Variants in CDH12 observed in about 807,000 individuals in gnomAD.
The protein encoded by CDH12 is cadherin 12.
In CDH12, 41 loss-of-function variants were observed where a neutral mutation model predicts 74.1. That is an observed-to-expected ratio of 0.55 (90% CI 0.43 to 0.72). The LOEUF is 0.72. CDH12 is among the 30% of genes least tolerant of loss of function. The pLI is 0.00. For missense variants in CDH12, 945 were observed against 977.2 expected (o/e 0.97, Z 0.44); for synonymous variants, 399 against 355.0 (o/e 1.12, Z -1.39).
intron 3 of CDH12, among the ~76,000 whole-genome samples, chr5:22,274,865 T>C (rs2150402578): frequency 6.6e-6 from 1 of 152,318 alleles, no homozygotes; most frequent in African/African-American, 2.4e-5. Context: ...GAGCTAAATC[T>C]GAAATGATTT....
At chr5:22,092,880 A>G (rs1743517984) in intron 4 of CDH12, among the ~76,000 whole-genome samples, 1 of 152,214 alleles carries the variant, frequency 6.6e-6, no homozygotes, top group Admixed American at 6.6e-5. Flanking sequence ...TTTGATGAAC[A>G]AAATCTCATA....
At chr5:22,156,601 T>G (rs1748036692) in intron 4 of CDH12, among the ~76,000 whole-genome samples, 1 of 152,142 alleles carries the variant, frequency 6.6e-6, no homozygotes. Context: ...GGAAGGTGAC[T>G]GAAAAATACA....
chr5:22,238,533 C>T (rs1752635481), intron 3 of CDH12, among the ~76,000 whole-genome samples: 1 of 152,092 alleles, frequency 6.6e-6, no homozygotes, highest in Admixed American at 6.6e-5. Flanking sequence ...GAAGACCTTA[C>T]TATGAGAGCA....
At chr5:22,124,166 A>T (rs1010661068) in intron 4 of CDH12, among the ~76,000 whole-genome samples, 1 of 149,476 alleles carries the variant, frequency 6.7e-6, no homozygotes, top group Admixed American at 6.7e-5. Context: ...ATTTTATTTC[A>T]TTTTTTTTGA....
At chr5:22,805,287 T>C (rs1334309546) in intron 1 of CDH12, among the ~76,000 whole-genome samples, 1 of 152,144 alleles carries the variant, frequency 6.6e-6, no homozygotes, top group Non-Finnish European at 1.5e-5. Flanking sequence ...TGAAGTTGAA[T>C]GTTCTATAGT....
chr5:22,452,868 A>G (rs2126565727), intron 2 of CDH12, among the ~76,000 whole-genome samples: 1 of 138,522 alleles, frequency 7.2e-6, no homozygotes, highest in Non-Finnish European at 1.5e-5. Flanking sequence ...AGAAACTCAA[A>G]CAACCTAAGA....
At chr5:22,775,487 T>C (rs1045691964) in intron 1 of CDH12, among the ~76,000 whole-genome samples, 5 of 152,106 alleles carry the variant, frequency 3.3e-5, no homozygotes, top group African/African-American at 1.2e-4. Context: ...AATATCTTCA[T>C]TTTAATTTGG....
chr5:22,463,712 T>A (rs148623936), intron 2 of CDH12, among the ~76,000 whole-genome samples: 23 of 152,302 alleles, frequency 1.5e-4, no homozygotes, highest in African/African-American at 5.3e-4. Flanking sequence ...AATTAAAGTA[T>A]TCATTAATTT....
In CDH12 at chr5:22,784,167, AC is replaced by A. The variant is rs538594730; in HGVS notation, c.-523+68890del. On this transcript the variant is annotated intron_variant, in intron 1 of 14. Transcript: ENST00000382254. ...AGCCTACCATTTTTTCATAAAATATACCATCTAGTTTTTGTAAAATTTTCTC... is the reference window on the plus strand; with the variant it reads ...AGCCTACCATTTTTTCATAAAATATACATCTAGTTTTTGTAAAATTTTCTC... Among the ~76,000 whole-genome samples the A allele has an allele frequency of 3.1e-3, 475 of 152,234 alleles. 3 individuals carry two copies. The highest frequency in any genetic ancestry group is 0.011 in the African/African-American group (446 of 41,556).
rs1401806879 is a variant in CDH12, at chr5:22,593,070, T to C, written c.-522-87706A>G. Among the ~76,000 whole-genome samples the C allele has an allele frequency of 2.7e-5, 4 of 146,514 alleles. No individual in the cohort carries two copies. The East Asian group carries it at 8.0e-4, about 29-fold the overall frequency. Reference sequence around the variant, plus strand: ...AAAAAAAAGGAAAAGGAAAAGAAAATGTTGATGGCATTTAACATGCAAGAT... The same window carrying C: ...AAAAAAAAGGAAAAGGAAAAGAAAACGTTGATGGCATTTAACATGCAAGAT... On this transcript the variant is annotated intron_variant, in intron 1 of 14. Transcript: ENST00000382254.
intron 2 of CDH12, among the ~76,000 whole-genome samples, chr5:22,457,040 T>TG (rs1745305210): frequency 6.6e-6 from 1 of 152,192 alleles, no homozygotes; most frequent in Admixed American, 6.5e-5. Context: ...GTCCTTTTCC[T>TG]GACATGAAAG....
chr5:21,883,724 A>C, intron 6 of CDH12: 1 of 1,599,536 alleles, frequency 6.3e-7, no homozygotes, highest in Non-Finnish European at 8.6e-7. Flanking sequence ...TTGGGCAGTT[A>C]GATGTCACAA....
intron 6 of CDH12, among the ~76,000 whole-genome samples, chr5:21,973,491 G>A (rs182201601): frequency 2.0e-5 from 3 of 152,066 alleles, no homozygotes; most frequent in South Asian, 2.1e-4. Context: ...CTCCTTACAC[G>A]AAGGCTCCAA....
intron 2 of CDH12, among the ~76,000 whole-genome samples, chr5:22,448,084 C>T (rs964519465): frequency 2.7e-5 from 4 of 146,260 alleles, no homozygotes; most frequent in Admixed American, 1.4e-4. Context: ...GCCCAAGAGG[C>T]GAAGGTTGCA....
intron 6 of CDH12, among the ~76,000 whole-genome samples, chr5:21,950,810 G>T (rs1755826467): frequency 7.3e-6 from 1 of 137,856 alleles, no homozygotes; most frequent in African/African-American, 2.6e-5. Flanking sequence ...TTTTGAGACA[G>T]AGTCTCACTC....
At chr5:22,583,874 A>G (rs1740233761) in intron 1 of CDH12, among the ~76,000 whole-genome samples, 1 of 152,124 alleles carries the variant, frequency 6.6e-6, no homozygotes, top group Admixed American at 6.5e-5. Context: ...CAACTAATTT[A>G]TTATTCATGA....
At chr5:21,869,745 T>C (rs1327091254) in intron 6 of CDH12, among the ~76,000 whole-genome samples, 2 of 152,170 alleles carry the variant, frequency 1.3e-5, no homozygotes, top group African/African-American at 4.8e-5. Context: ...GGGGGAATTA[T>C]TACCTTGCTA....
chr5:22,118,963 G>GAC (rs1745336316), intron 4 of CDH12, among the ~76,000 whole-genome samples: 2 of 152,068 alleles, frequency 1.3e-5, no homozygotes, highest in African/African-American at 4.8e-5. Context: ...TAATTGCAGT[G>GAC]AAAAAGTGGA....
chr5:22,715,448 T>A (rs533618576), intron 1 of CDH12, among the ~76,000 whole-genome samples: 107 of 152,308 alleles, frequency 7.0e-4, no homozygotes, highest in South Asian at 1.7e-3. Flanking sequence ...GTGCTGCTAC[T>A]CAGTACCAAA....
Sources: gnomAD v4.1 joint callset for allele counts (sites outside exome capture counted in the v4.1 genomes callset) on GRCh38, gnomAD v4.1.1 for gene constraint, MANE v1.5 for transcripts, NCBI Gene and HGNC (gene_info 2026-07-23, HGNC 2026-07-21) for gene names.